The following GRM4 variants were observed in gnomAD, a reference collection of about 807,000 sequenced individuals.
GRM4 encodes glutamate metabotropic receptor 4.
GRM4 carries 28 observed loss-of-function variants against 81.7 expected under a neutral mutation model. The ratio of observed to expected loss-of-function variants is 0.34; its 90% confidence interval spans 0.25 to 0.47. The LOEUF (loss-of-function observed/expected upper bound fraction) is 0.47. Ranked by LOEUF, GRM4 falls within the 20% of genes least tolerant of loss-of-function variation. The pLI, the probability that GRM4 is intolerant of heterozygous loss-of-function variation, is 1.00. For missense variants in GRM4, 948 were observed against 1,290.0 expected (o/e 0.73, Z 4.06); for synonymous variants, 488 against 528.8 (o/e 0.92, Z 1.06).
At chr6:34,083,419 A>C (rs1767711766) in intron 3 of GRM4, among the ~76,000 whole-genome samples, 1 of 152,150 alleles carries the variant, frequency 6.6e-6, no homozygotes, top group Non-Finnish European at 1.5e-5. Flanking sequence ...ATTAACACCA[A>C]CACCTTGCCA....
At chr6:34,026,167 T>C (rs73745002) in intron 10 of GRM4, among the ~76,000 whole-genome samples, 9,597 of 152,258 alleles carry the variant, frequency 0.063, 908 homozygotes, top group African/African-American at 0.2. Flanking sequence ...TATTCTGTTG[T>C]TTGTTTAAAG....
chr6:34,151,575 G>A (rs935346351), intron 1 of GRM4, among the ~76,000 whole-genome samples: 3 of 152,138 alleles, frequency 2.0e-5, no homozygotes, highest in Non-Finnish European at 4.4e-5. Context: ...GGCGCCAGGG[G>A]GAGCAGCCAG....
Position 34,070,187 on chromosome 6 carries a change from T to A in GRM4, c.737-8159A>T, listed in dbSNP as rs1438305361. On this transcript the variant is annotated intron_variant, in intron 3 of 10. Transcript: ENST00000538487. The surrounding 1 kb of genome is among the most constrained non-coding windows in gnomAD (Gnocchi z 4.6). ...CCCTCTGAGCTGCCACCTCCTTACATGCACAGCCACTGGACACCCCATTTG... is the reference window on the plus strand; with the variant it reads ...CCCTCTGAGCTGCCACCTCCTTACAAGCACAGCCACTGGACACCCCATTTG... 1.3e-5 allele frequency among the ~76,000 whole-genome samples: 2 copies of A among 152,074 alleles called. No individual in the cohort carries two copies. Among genetic ancestry groups the A allele is most frequent in the Non-Finnish European group, 2.9e-5 (2 of 68,018 alleles).
intron 3 of GRM4, among the ~76,000 whole-genome samples, chr6:34,091,402 T>C (rs1330649543): frequency 6.6e-6 from 1 of 152,086 alleles, no homozygotes. Context: ...GGACACCTTC[T>C]TTACTGATGC....
At chr6:34,101,944 G>A in intron 2 of GRM4, 1 of 1,398,210 alleles carries the variant, frequency 7.2e-7, no homozygotes, top group Non-Finnish European at 9.8e-7. Context: ...GAGGCCAGGG[G>A]TATGGCCAGG....
chr6:34,026,928 C>T (rs1192225302), intron 10 of GRM4, among the ~76,000 whole-genome samples: 1 of 152,190 alleles, frequency 6.6e-6, no homozygotes, highest in African/African-American at 2.4e-5. Context: ...GGAAGGTCTC[C>T]ATGGGAAGGA....
chr6:34,098,428 T>A (rs1768654135), intron 2 of GRM4, among the ~76,000 whole-genome samples: 1 of 152,188 alleles, frequency 6.6e-6, no homozygotes, highest in Admixed American at 6.5e-5. Flanking sequence ...GCTCTTTCTG[T>A]TCCACCCATG....
At chr6:34,145,713 G>A (rs1022766064) in intron 1 of GRM4, among the ~76,000 whole-genome samples, 5 of 152,222 alleles carry the variant, frequency 3.3e-5, no homozygotes, top group African/African-American at 1.2e-4. Context: ...TTGCCCCGGC[G>A]CCCACAGCCG....
chr6:34,105,126 TG>T (rs1769056045), intron 2 of GRM4, among the ~76,000 whole-genome samples: 1 of 152,168 alleles, frequency 6.6e-6, no homozygotes. Context: ...TAATATAATA[TG>T]ATATAATGGG....
intron 2 of GRM4, among the ~76,000 whole-genome samples, chr6:34,131,975 GCACA>G (rs57261136): frequency 6.7e-6 from 1 of 149,560 alleles, no homozygotes. Context: ...ACACACACAT[GCACA>G]CACACACACA....
rs1251677762 is a variant in GRM4, at chr6:34,028,233, CTGCGCT to C, written c.2570_2575del (p.Lys857_Arg858del). On this transcript the variant is annotated inframe_deletion, in exon 10 of 11. Coordinates refer to ENST00000538487, the MANE Select transcript of GRM4 (RefSeq NM_000841.4). Reference sequence around the variant, plus strand: ...GGCCGCCGTAACGACGGCTTTGAGGCTGCGCTTGCGCTTGGGCACGTTCTGCTCCGG... The same window carrying C: ...GGCCGCCGTAACGACGGCTTTGAGGCTGCGCTTGGGCACGTTCTGCTCCGG... 6.2e-7 allele frequency: 1 copy of C among 1,614,102 alleles called. No homozygotes were observed. Among genetic ancestry groups the C allele is most frequent in the Admixed American group, 1.7e-5 (1 of 60,032 alleles).
intron 2 of GRM4, among the ~76,000 whole-genome samples, chr6:34,113,599 G>A (rs746562033): frequency 7.2e-5 from 11 of 152,150 alleles, no homozygotes; most frequent in East Asian, 1.9e-4. Context: ...GGTGGGACTC[G>A]GAGGGAGGAT....
In GRM4 at chr6:34,036,358, G is replaced by A. The variant is rs1350244415; in HGVS notation, c.1752C>T (p.Gly584=). 6.2e-7 allele frequency: 1 copy of A among 1,613,458 alleles called. No individual in the cohort carries two copies. The highest frequency in any genetic ancestry group is 1.7e-5 in the Admixed American group (1 of 60,020). The change falls in exon 9 of 11, where the codon GGC becomes GGT. Residue 584 remains glycine (G), a synonymous_variant. Transcript: ENST00000538487. The surrounding 1 kb of genome is among the most constrained non-coding windows in gnomAD (Gnocchi z 9.0). The stretch of plus-strand genomic sequence containing the variant: ...AGAGGGGCAGCACGGCCCAGGGCGA[G>A]CCCCACTCAAGCTTGATGATGGGGA... ...RPIPIIKLEW[G]SPWAVLPLFL...
intron 1 of GRM4, among the ~76,000 whole-genome samples, chr6:34,142,340 GCTGCCAGTGCGTC>G (rs554808600): frequency 3.0e-4 from 45 of 152,312 alleles, no homozygotes; most frequent in African/African-American, 8.9e-4. Context: ...AGCTGTCCAG[GCTGCCAGTGCGTC>G]CTGCCCACTG....
At chr6:34,109,431 G>A (rs902027634) in intron 2 of GRM4, among the ~76,000 whole-genome samples, 25 of 151,246 alleles carry the variant, frequency 1.7e-4, no homozygotes, top group African/African-American at 6.1e-4. Flanking sequence ...GTCCCTGCAG[G>A]GGCTGCCTCT....
intron 3 of GRM4, among the ~76,000 whole-genome samples, chr6:34,067,512 T>C (rs1766544591): frequency 7.3e-6 from 1 of 137,924 alleles, no homozygotes; most frequent in African/African-American, 2.7e-5. Context: ...TTTCCTTCCT[T>C]CCTCCATCCC....
chr6:34,115,915 G>A lies in GRM4; in HGVS notation c.519+17063C>T, dbSNP rs372478769. On this transcript the variant is annotated intron_variant, in intron 2 of 10. Coordinates refer to ENST00000538487, the MANE Select transcript of GRM4 (RefSeq NM_000841.4). The surrounding 1 kb of genome is among the most constrained non-coding windows in gnomAD (Gnocchi z 4.1). ...AAAGGGACTTTGAAAAGGTAAAAAT[G>A]AGGTACCGATGTTGGCCGCACCAGA... 1.3e-5 allele frequency among the ~76,000 whole-genome samples: 2 copies of A among 152,208 alleles called. No individual in the cohort carries two copies. The highest frequency in any genetic ancestry group is 4.8e-5 in the African/African-American group (2 of 41,454).
At chr6:34,124,130 C>A (rs9394189) in intron 2 of GRM4, among the ~76,000 whole-genome samples, 69,987 of 151,978 alleles carry the variant, frequency 0.46, 17,045 homozygotes, top group Admixed American at 0.56. Context: ...ACACCCTCTG[C>A]CAGCAAGAAG....
At chr6:34,103,057 T>C (rs1768924093) in intron 2 of GRM4, among the ~76,000 whole-genome samples, 1 of 152,086 alleles carries the variant, frequency 6.6e-6, no homozygotes, top group Admixed American at 6.5e-5. Flanking sequence ...ATCCCTCACC[T>C]CCTGGGGCCT....
Sources: gnomAD v4.1 joint callset for allele counts (sites outside exome capture counted in the v4.1 genomes callset) on GRCh38, gnomAD v4.1.1 for gene constraint, Gnocchi (gnomAD v3.1) non-coding constraint, MANE v1.5 for transcripts, NCBI Gene and HGNC (gene_info 2026-07-23, HGNC 2026-07-21) for gene names.